Variants in BUB1B observed in about 807,000 individuals in gnomAD.
The protein encoded by BUB1B is mitotic checkpoint serine/threonine-protein kinase BUB1 beta.
BUB1B carries 86 observed loss-of-function variants against 137.7 expected under a neutral mutation model. The observed-to-expected ratio is 0.62, with a 90% CI of 0.52 to 0.75. BUB1B has a LOEUF of 0.75. Among genes scored for constraint, BUB1B ranks in the 30% least tolerant of loss-of-function variants. The pLI, the probability that BUB1B is intolerant of heterozygous loss-of-function variation, is 0.00. For missense variants in BUB1B, 1,130 were observed against 1,236.9 expected (o/e 0.91, Z 1.30); for synonymous variants, 420 against 417.9 (o/e 1.00, Z -0.06).
At chr15:40,183,187 C>G (rs2037316141) in intron 5 of BUB1B, among the ~76,000 whole-genome samples, 1 of 152,170 alleles carries the variant, frequency 6.6e-6, no homozygotes, top group Non-Finnish European at 1.5e-5. Context: ...AGGAAGTTTA[C>G]TTTTCAAACT....
intron 14 of BUB1B, among the ~76,000 whole-genome samples, chr15:40,204,119 C>T (rs1381362678): frequency 6.6e-6 from 1 of 152,116 alleles, no homozygotes; most frequent in Non-Finnish European, 1.5e-5. Flanking sequence ...AGAATATTTC[C>T]ATCAACTCAG....
At chr15:40,186,235 C>T (rs754333438) in intron 8 of BUB1B, among the ~76,000 whole-genome samples, 20 of 152,026 alleles carry the variant, frequency 1.3e-4, no homozygotes, top group Non-Finnish European at 2.5e-4. Flanking sequence ...TTAAATGAGA[C>T]GTTCTCATTT....
intron 21 of BUB1B, among the ~76,000 whole-genome samples, 195 bp from the exon 22 acceptor site, chr15:40,218,261 C>T (rs2037828681): frequency 6.6e-6 from 1 of 152,188 alleles, no homozygotes; most frequent in Admixed American, 6.5e-5. Flanking sequence ...AGGATAATTC[C>T]TAGAATTGGC....
intron 20 of BUB1B, among the ~76,000 whole-genome samples, chr15:40,216,324 G>T (rs1447991285): frequency 6.6e-6 from 1 of 151,910 alleles, no homozygotes; most frequent in Admixed American, 6.6e-5. Context: ...AGTAGTCCCA[G>T]CTACTCGGGA....
intron 8 of BUB1B, among the ~76,000 whole-genome samples, chr15:40,186,189 T>C (rs1566820643): frequency 1.3e-5 from 2 of 152,094 alleles, no homozygotes; most frequent in Non-Finnish European, 2.9e-5. Context: ...ATTTGTCTGA[T>C]GGGATAATGG....
At chr15:40,180,201 C>G (rs2037268716) in intron 5 of BUB1B, among the ~76,000 whole-genome samples, 1 of 150,024 alleles carries the variant, frequency 6.7e-6, no homozygotes, top group African/African-American at 2.5e-5. Flanking sequence ...CATCTTCTTT[C>G]CTGAAAAATA....
chr15:40,210,285 C>T (rs1485782107), intron 18 of BUB1B, 75 bp downstream of exon 18: 1 of 1,110,854 alleles, frequency 9.0e-7, no homozygotes, highest in Admixed American at 1.8e-5. Flanking sequence ...CTCATGTTAC[C>T]ATCAAATCTT....
At chr15:40,181,227 G>A (rs2037288924) in intron 5 of BUB1B, among the ~76,000 whole-genome samples, 1 of 151,960 alleles carries the variant, frequency 6.6e-6, no homozygotes, top group South Asian at 2.1e-4. Flanking sequence ...GAGTAGCTGG[G>A]ATTACAGGCA....
chr15:40,198,007 A>G (rs2037518625), intron 9 of BUB1B, among the ~76,000 whole-genome samples: 1 of 152,066 alleles, frequency 6.6e-6, no homozygotes, highest in African/African-American at 2.4e-5. Flanking sequence ...ATAGAAGGAA[A>G]ATGAAAGTCC....
chr15:40,208,108 A>G (rs972147556), intron 15 of BUB1B, among the ~76,000 whole-genome samples: 10 of 151,218 alleles, frequency 6.6e-5, no homozygotes, highest in Non-Finnish European at 1.5e-4. Flanking sequence ...TGACGGAATG[A>G]GATCCTGTCT....
intron 12 of BUB1B, among the ~76,000 whole-genome samples, chr15:40,201,750 T>C (rs1354860666): frequency 1.3e-5 from 2 of 152,180 alleles, no homozygotes; most frequent in Non-Finnish European, 2.9e-5. Context: ...CACTACAAGC[T>C]CTGCCTCCTG....
intron 14 of BUB1B, among the ~76,000 whole-genome samples, chr15:40,203,255 T>C (rs879645124): frequency 6.6e-5 from 10 of 152,190 alleles, no homozygotes; most frequent in Admixed American, 2.6e-4. Flanking sequence ...TGTCACAACA[T>C]AGATGAACCT....
At chr15:40,170,384 G>C (rs1048487615) in intron 3 of BUB1B, among the ~76,000 whole-genome samples, 153 bp from the exon 4 acceptor site, 2 of 152,204 alleles carry the variant, frequency 1.3e-5, no homozygotes, top group African/African-American at 2.4e-5. Flanking sequence ...AGATACTTTG[G>C]AGAAGTTTGA....
intron 5 of BUB1B, among the ~76,000 whole-genome samples, chr15:40,179,214 T>C (rs968362153): frequency 1.3e-5 from 2 of 152,124 alleles, no homozygotes; most frequent in Admixed American, 6.6e-5. Context: ...GTTTTCAAGG[T>C]TCATCATAAA....
chr15:40,213,489 T>G lies in BUB1B; in HGVS notation c.2678+15T>G, dbSNP rs1363805902. The G allele has an allele frequency of 1.1e-5, 18 of 1,613,874 alleles. No individual in the cohort carries two copies. Among genetic ancestry groups the G allele is most frequent in the Non-Finnish European group, 1.5e-5 (18 of 1,179,882 alleles). ...CTCAGAAACAGGTTGGTCCTTTTCA[T>G]TCTTATAATTCTGCCAGCTGTCTCT... On this transcript the variant is annotated intron_variant, in intron 20 of 22. Coordinates refer to ENST00000287598, the MANE Select transcript of BUB1B (RefSeq NM_001211.6).
chr15:40,169,243 A>G (rs1441391721), intron 2 of BUB1B, among the ~76,000 whole-genome samples: 1 of 152,052 alleles, frequency 6.6e-6, no homozygotes, highest in African/African-American at 2.4e-5. Flanking sequence ...TATTTATAGT[A>G]TTATTCTTCT....
rs2037591158 is a variant in BUB1B, at chr15:40,202,776, G to A, written c.1734+82G>A. 1.6e-5 allele frequency: 19 copies of A among 1,200,728 alleles called. 1 individual carries two copies. In the South Asian group the frequency reaches 2.3e-4, roughly 15 times the overall value. The allele number at this position is 1,200,728 out of a possible 1,614,324, so 74.4% of individuals were successfully genotyped here. On this transcript the variant is annotated intron_variant, in intron 14 of 22. Transcript: ENST00000287598. ...ACCACAAAAGCTTAAGGTTAAAATT[G>A]AAACCACTGACTTGAATTAAGCACA...
intron 12 of BUB1B, among the ~76,000 whole-genome samples, 193 bp downstream of exon 12, chr15:40,201,173 C>A (rs572105691): frequency 6.6e-6 from 1 of 152,112 alleles, no homozygotes; most frequent in South Asian, 2.1e-4. Flanking sequence ...TTCCTCAGTG[C>A]TTCAAAATAT....
chr15:40,181,520 C>T (rs530770062), intron 5 of BUB1B, among the ~76,000 whole-genome samples: 1 of 152,102 alleles, frequency 6.6e-6, no homozygotes, highest in Admixed American at 6.5e-5. Flanking sequence ...CCTATTATCT[C>T]TTTCTTCTTT....
Sources: gnomAD v4.1 joint callset for allele counts (sites outside exome capture counted in the v4.1 genomes callset) on GRCh38, gnomAD v4.1.1 for gene constraint, MANE v1.5 for transcripts, NCBI Gene and HGNC (gene_info 2026-07-23, HGNC 2026-07-21) for gene names.